Variants in ENOX1 observed in about 807,000 individuals in gnomAD.
The protein encoded by ENOX1 is candidate growth-related and time keeping constitutive hydroquinone (NADH) oxidase.
Under a neutral mutation model 82.5 loss-of-function variants are expected in ENOX1, and 42 were observed. That is an observed-to-expected ratio of 0.51 (90% CI 0.40 to 0.66). The LOEUF (loss-of-function observed/expected upper bound fraction) is 0.66. Ranked by LOEUF, ENOX1 falls within the 30% of genes least tolerant of loss-of-function variation. The probability of loss-of-function intolerance (pLI) is 0.00; values close to 1 mark genes in which losing one functional copy is unlikely to be tolerated. For missense variants in ENOX1, 608 were observed against 811.6 expected, an observed-to-expected ratio of 0.75 and a Z score of 3.05; for synonymous variants, 271 against 282.2, an observed-to-expected ratio of 0.96 and a Z score of 0.40.
At chr13:43,444,317 G>T (rs1250257260) in intron 3 of ENOX1, among the ~76,000 whole-genome samples, 2 of 152,152 alleles carry the variant, frequency 1.3e-5, no homozygotes, top group Non-Finnish European at 2.9e-5. Flanking sequence ...CAAGGAGAGC[G>T]GATCATTTTC....
At chr13:43,762,661 G>A (rs78841243) in intron 1 of ENOX1, among the ~76,000 whole-genome samples, 5,058 of 152,176 alleles carry the variant, frequency 0.033, 95 homozygotes, top group East Asian at 0.063. Context: ...GCACTCACTC[G>A]GAATCCTAGA....
intron 1 of ENOX1, among the ~76,000 whole-genome samples, chr13:43,737,739 CAT>C (rs543782468): frequency 2.6e-3 from 390 of 152,316 alleles, no homozygotes; most frequent in Middle Eastern, 0.02. Flanking sequence ...CACAAATACA[CAT>C]GTCATCAAAC....
At chr13:43,301,698 A>G (rs1035213444) in intron 11 of ENOX1, among the ~76,000 whole-genome samples, 26 of 152,120 alleles carry the variant, frequency 1.7e-4, no homozygotes, top group Admixed American at 6.5e-5. Context: ...TTACAAAAAA[A>G]TTTTCGTTAC....
chr13:43,726,508 C>T (rs992523404), intron 1 of ENOX1, among the ~76,000 whole-genome samples: 6 of 151,970 alleles, frequency 3.9e-5, no homozygotes, highest in African/African-American at 9.7e-5. Context: ...TAAGCCACCA[C>T]GCCCAGCCTC....
chr13:43,408,656 A>C (rs1269448678), intron 5 of ENOX1, among the ~76,000 whole-genome samples: 3 of 149,580 alleles, frequency 2.0e-5, no homozygotes, highest in Non-Finnish European at 3.0e-5. Flanking sequence ...CACCAGGTAC[A>C]GTAAAAAGGG....
intron 5 of ENOX1, among the ~76,000 whole-genome samples, chr13:43,388,093 T>C (rs1173978266): frequency 6.6e-6 from 1 of 152,020 alleles, no homozygotes; most frequent in African/African-American, 2.4e-5. Flanking sequence ...AGTTGGAAAA[T>C]GCTAACGTTA....
chr13:43,265,083 G>A (rs187761611), intron 14 of ENOX1, among the ~76,000 whole-genome samples: 15 of 152,216 alleles, frequency 9.9e-5, no homozygotes, highest in Non-Finnish European at 1.8e-4. Flanking sequence ...TTACCCTGTC[G>A]GGTCTCTTGC....
intron 2 of ENOX1, among the ~76,000 whole-genome samples, chr13:43,645,236 C>G (rs1218149510): frequency 6.6e-6 from 1 of 152,150 alleles, no homozygotes; most frequent in African/African-American, 2.4e-5. Flanking sequence ...TCGCTCATGG[C>G]AGTCTCTAAT....
At chr13:43,737,619 T>C (rs2089696828) in intron 1 of ENOX1, among the ~76,000 whole-genome samples, 1 of 152,174 alleles carries the variant, frequency 6.6e-6, no homozygotes, top group Non-Finnish European at 1.5e-5. Context: ...CAAATGCATA[T>C]TCAACATATT....
At chr13:43,458,744 G>T (rs9533491) in intron 3 of ENOX1, among the ~76,000 whole-genome samples, 1 of 151,422 alleles carries the variant, frequency 6.6e-6, no homozygotes, top group Non-Finnish European at 1.5e-5. Flanking sequence ...CAAGTGTTCA[G>T]GACAAAGAGT....
chr13:43,528,735 A>C (rs927883372), intron 2 of ENOX1, among the ~76,000 whole-genome samples: 1 of 152,050 alleles, frequency 6.6e-6, no homozygotes, highest in Non-Finnish European at 1.5e-5. Context: ...TTTCCACGAG[A>C]ATTTTAAAGT....
chr13:43,354,189 T>C (rs1226778820), intron 8 of ENOX1, among the ~76,000 whole-genome samples: 1 of 152,214 alleles, frequency 6.6e-6, no homozygotes, highest in Non-Finnish European at 1.5e-5. Flanking sequence ...TGCTGCTGTA[T>C]CTCATTTTGG....
In ENOX1 at chr13:43,468,194, C is replaced by CT. The variant is rs1566298550; in HGVS notation, c.-75+15814dup. ...CAGGATCATAAATTCCTTTTTTTTT[C>CT]TTTTTTTGAGACAGAGTTTCACTCT... is the stretch of plus-strand genomic sequence containing the variant. On this transcript the variant is annotated intron_variant, in intron 3 of 16. Transcript: ENST00000690772. Among the ~76,000 whole-genome samples the CT allele has an allele frequency of 3.0e-5, 4 of 132,816 alleles. 1 individual carries two copies. The South Asian group carries it at 9.6e-4, about 32-fold the overall frequency. The allele number at this position is 132,816 out of a possible 152,430, so 87.1% of individuals were successfully genotyped here.
At chr13:43,438,931 G>A (rs2056194281) in intron 3 of ENOX1, among the ~76,000 whole-genome samples, 2 of 152,150 alleles carry the variant, frequency 1.3e-5, no homozygotes. Context: ...AGGAGGAAGG[G>A]AAGGAGAGGG....
chr13:43,672,648 A>G (rs1377269343), intron 1 of ENOX1, among the ~76,000 whole-genome samples: 1 of 152,202 alleles, frequency 6.6e-6, no homozygotes, highest in East Asian at 1.9e-4. Flanking sequence ...TTATATCTGC[A>G]TATCGTGAGA....
At position 43,265,426 on chromosome 13, in the gene ENOX1, G is replaced by A. The variant is rs762947513; in HGVS notation, c.1583C>T (p.Thr528Ile). 1 of 1,611,952 alleles carries A rather than the reference G, an allele frequency of 6.2e-7. No homozygotes were observed. Among genetic ancestry groups the A allele is most frequent in the African/African-American group, 1.3e-5 (1 of 74,864 alleles). Residue 528 changes from threonine (T) to isoleucine (I), a missense_variant, in exon 14 of 17, where the codon ACC (threonine) becomes ATC (isoleucine). Thr to Ile is a moderately conservative substitution (Grantham distance 89, BLOSUM62 -1). Coordinates refer to ENST00000690772, the MANE Select transcript of ENOX1 (RefSeq NM_001347969.2). ...QLKGTKELVE[T>I]NGHSHEDSNE... Reference sequence around the variant, plus strand: ...TGAATCCTCATGGCTGTGGCCATTGGTCTCGACCAATTCCTTGGTACCTTT... The same window carrying A: ...TGAATCCTCATGGCTGTGGCCATTGATCTCGACCAATTCCTTGGTACCTTT...
chr13:43,256,560 A>G (rs550071701), intron 14 of ENOX1, among the ~76,000 whole-genome samples: 1 of 152,330 alleles, frequency 6.6e-6, no homozygotes, highest in Admixed American at 6.5e-5. Flanking sequence ...GGAAAAAAAA[A>G]GATGAACATC....
intron 9 of ENOX1, among the ~76,000 whole-genome samples, chr13:43,342,050 C>A (rs1176356726): frequency 6.6e-6 from 1 of 152,152 alleles, no homozygotes; most frequent in African/African-American, 2.4e-5. Context: ...GACAACTATC[C>A]AGGTAAAGCG....
At chr13:43,511,973 T>C (rs1200151380) in intron 2 of ENOX1, among the ~76,000 whole-genome samples, 1 of 152,134 alleles carries the variant, frequency 6.6e-6, no homozygotes, top group African/African-American at 2.4e-5. Flanking sequence ...TATATATATA[T>C]ACACTATGGA....
Sources: gnomAD v4.1 joint callset for allele counts (sites outside exome capture counted in the v4.1 genomes callset) on GRCh38, gnomAD v4.1.1 for gene constraint, MANE v1.5 for transcripts, NCBI Gene and HGNC (gene_info 2026-07-23, HGNC 2026-07-21) for gene names.